PDGFRL: variants seen among roughly 807,000 people sequenced by gnomAD.
PDGFRL encodes platelet-derived growth factor receptor-like protein.
PDGFRL carries 46 observed loss-of-function variants against 37.2 expected under a neutral mutation model. The ratio of observed to expected loss-of-function variants is 1.24; its 90% CI spans 0.98 to 1.58. The LOEUF (loss-of-function observed/expected upper bound fraction) is 1.58, where lower values mean the gene tolerates loss of function less well. Ranked by LOEUF, PDGFRL falls within the 40% of genes most tolerant of loss-of-function variation. The pLI, the probability that PDGFRL is intolerant of heterozygous loss-of-function variation, is 0.00. For synonymous variants in PDGFRL, 251 were observed against 184.3 expected, an observed-to-expected ratio of 1.36 and a Z score of -2.93; for missense variants, 692 against 467.6, an observed-to-expected ratio of 1.48 and a Z score of -4.43.
At chr8:17,585,168 G>T (rs1314831150) in intron 1 of PDGFRL, among the ~76,000 whole-genome samples, 2 of 152,246 alleles carry the variant, frequency 1.3e-5, no homozygotes, top group East Asian at 3.9e-4. Flanking sequence ...ATGACTAGAG[G>T]TCACGTTCGT....
At chr8:17,604,077 A>T (rs1040379759) in intron 2 of PDGFRL, among the ~76,000 whole-genome samples, 1 of 152,118 alleles carries the variant, frequency 6.6e-6, no homozygotes, top group African/African-American at 2.4e-5. Flanking sequence ...TGGCCACATT[A>T]AGAAATTTAG....
At chr8:17,616,746 C>A (rs1804538140) in intron 2 of PDGFRL, among the ~76,000 whole-genome samples, 3 of 152,136 alleles carry the variant, frequency 2.0e-5, no homozygotes, top group Admixed American at 6.5e-5. Flanking sequence ...GGAGCAGGGA[C>A]TTCTCTAGAC....
rs143448085 is a variant in PDGFRL, at chr8:17,578,694, C to T, written c.55+1387C>T. 4.8e-3 allele frequency among the ~76,000 whole-genome samples: 738 copies of T among 152,266 alleles called. 22 individuals carry two copies. The highest frequency in any genetic ancestry group is 0.045 in the Admixed American group (695 of 15,288). Reference sequence around the variant, plus strand: ...ATACCCAACTTGCCAGTCTTAGAGGCTCAGAAATTGACTTCCATTCTGCCT... The same window carrying T: ...ATACCCAACTTGCCAGTCTTAGAGGTTCAGAAATTGACTTCCATTCTGCCT... On this transcript the variant is annotated intron_variant, in intron 1 of 5. Coordinates refer to ENST00000251630, the MANE Select transcript of PDGFRL (RefSeq NM_001372073.1).
intron 2 of PDGFRL, among the ~76,000 whole-genome samples, chr8:17,609,907 G>A (rs1804371490): frequency 6.6e-6 from 1 of 152,106 alleles, no homozygotes; most frequent in African/African-American, 2.4e-5. Flanking sequence ...GGTTTCTGAT[G>A]TTACTCAGAA....
chr8:17,595,810 A>G (rs1367638182), intron 2 of PDGFRL, among the ~76,000 whole-genome samples: 3 of 152,196 alleles, frequency 2.0e-5, no homozygotes, highest in African/African-American at 4.8e-5. Context: ...GTTTAGGTCA[A>G]CAGGTGTGCA....
upstream of PDGFRL, chr8:17,576,602 C>A: frequency 2.5e-6 from 1 of 407,652 alleles, no homozygotes; most frequent in Non-Finnish European, 3.3e-6. Context: ...TCCTGCCTCA[C>A]CACCAGAGGC....
At chr8:17,619,411 G>A (rs1208207106) in intron 2 of PDGFRL, among the ~76,000 whole-genome samples, 1 of 152,040 alleles carries the variant, frequency 6.6e-6, no homozygotes, top group African/African-American at 2.4e-5. Context: ...AAACTGAAGG[G>A]GTTTGCAAAT....
At chr8:17,608,913 T>C (rs1804344218) in intron 2 of PDGFRL, among the ~76,000 whole-genome samples, 1 of 151,958 alleles carries the variant, frequency 6.6e-6, no homozygotes, top group Admixed American at 6.6e-5. Context: ...AGATAGAGAC[T>C]TGTACAAAGC....
chr8:17,585,386 C>A (rs1304613612), intron 1 of PDGFRL, among the ~76,000 whole-genome samples: 5 of 152,082 alleles, frequency 3.3e-5, no homozygotes, highest in African/African-American at 1.2e-4. Context: ...GAATCTCTGA[C>A]AGTAGGTGGG....
chr8:17,583,672 G>T (rs1156293220), intron 1 of PDGFRL, among the ~76,000 whole-genome samples: 1 of 152,144 alleles, frequency 6.6e-6, no homozygotes, highest in Non-Finnish European at 1.5e-5. Context: ...TTTGAGTCGT[G>T]GGGGTGGACC....
At chr8:17,592,275 A>G (rs1803956137) in intron 2 of PDGFRL, among the ~76,000 whole-genome samples, 1 of 152,186 alleles carries the variant, frequency 6.6e-6, no homozygotes, top group South Asian at 2.1e-4. Flanking sequence ...TCTTCATAGC[A>G]CTTGAGCCTT....
In PDGFRL at chr8:17,634,160, C is replaced by T; in HGVS notation, c.886C>T (p.Leu296=). The T allele has an allele frequency of 6.2e-7, 1 of 1,613,254 alleles. No individual in the cohort carries two copies. Among genetic ancestry groups the T allele is most frequent in the Non-Finnish European group, 8.5e-7 (1 of 1,179,226 alleles). ...GDDISVLCTV[L]GEPDVEVEFT... ...CGACATCAGTGTGCTCTGCACTGTC[C>T]TGGGGGAGCCCGATGTGGAGGTGGA... The change falls in exon 5 of 6, where the codon CTG becomes TTG. Residue 296 remains leucine, a synonymous_variant. Transcript: ENST00000251630.
intron 1 of PDGFRL, among the ~76,000 whole-genome samples, chr8:17,588,518 A>G (rs1055487517): frequency 6.6e-6 from 1 of 152,114 alleles, no homozygotes; most frequent in Non-Finnish European, 1.5e-5. Context: ...CTTTAAAAAA[A>G]AAAAATTAGC....
At chr8:17,599,317 C>T (rs1804118260) in intron 2 of PDGFRL, among the ~76,000 whole-genome samples, 1 of 152,194 alleles carries the variant, frequency 6.6e-6, no homozygotes, top group Non-Finnish European at 1.5e-5. Context: ...CCCCCCAAGT[C>T]CCTAAAGTCC....
chr8:17,603,244 C>A (rs2588131), intron 2 of PDGFRL, among the ~76,000 whole-genome samples: 1 of 152,006 alleles, frequency 6.6e-6, no homozygotes, highest in Non-Finnish European at 1.5e-5. Context: ...ACCTGGGCCT[C>A]GCTAAGTGCT....
intron 2 of PDGFRL, among the ~76,000 whole-genome samples, chr8:17,591,063 T>C (rs1457429516): frequency 2.6e-5 from 4 of 152,014 alleles, no homozygotes; most frequent in Non-Finnish European, 4.4e-5. Flanking sequence ...TTTGCTTTTT[T>C]AGTAGAGACA....
rs1803891086 is a variant in PDGFRL at position 17,589,651 on chromosome 8, C to T, written c.239C>T (p.Pro80Leu). ...CTGGATAAAGGTCGCTTCCAGAAAC[C>T]CGCCGCTACCCTGAGTCTGCTGGCG... ...QVLDKGRFQKPAATLSLLAGQ... is the reference protein window; with the variant it reads ...QVLDKGRFQKLAATLSLLAGQ... The change falls in exon 2 of 6, where the codon CCC becomes CTC. Residue 80 changes from proline to leucine, a missense_variant. Transcript: ENST00000251630. 1 of 1,613,860 alleles carries T rather than the reference C, an allele frequency of 6.2e-7. No homozygotes were observed. Among genetic ancestry groups the T allele is most frequent in the Non-Finnish European group, 8.5e-7 (1 of 1,179,778 alleles).
intron 1 of PDGFRL, among the ~76,000 whole-genome samples, chr8:17,580,714 G>A (rs1419884740): frequency 6.6e-6 from 1 of 152,160 alleles, no homozygotes; most frequent in South Asian, 2.1e-4. Flanking sequence ...CGGAATGGGA[G>A]GCTTTAAAAC....
At chr8:17,639,549 G>C (rs932050913) in intron 5 of PDGFRL, among the ~76,000 whole-genome samples, 1 of 152,136 alleles carries the variant, frequency 6.6e-6, no homozygotes, top group Non-Finnish European at 1.5e-5. Flanking sequence ...TAGTTTTGCT[G>C]TACACAAAAT....
Sources: gnomAD v4.1 joint callset for allele counts (sites outside exome capture counted in the v4.1 genomes callset) on GRCh38, gnomAD v4.1.1 for gene constraint, MANE v1.5 for transcripts, NCBI Gene and HGNC (gene_info 2026-07-23, HGNC 2026-07-21) for gene names.